PPFIA2: variants seen among roughly 807,000 people sequenced by gnomAD.
PPFIA2 encodes the protein liprin-alpha-2.
A neutral mutation model predicts 175.5 loss-of-function variants in PPFIA2; 46 were observed. The ratio of observed to expected loss-of-function variants is 0.26; its 90% CI spans 0.21 to 0.34. The LOEUF (loss-of-function observed/expected upper bound fraction) is 0.34, where lower values mean the gene tolerates loss of function less well. PPFIA2 is among the 10% of genes least tolerant of loss of function. The pLI is 1.00. For missense variants in PPFIA2, 1,179 were observed against 1,506.1 expected (o/e 0.78, Z 3.60); for synonymous variants, 568 against 511.4 (o/e 1.11, Z -1.49).
chr12:81,322,168 C>T (rs2053798377), intron 22 of PPFIA2, among the ~76,000 whole-genome samples: 1 of 152,056 alleles, frequency 6.6e-6, no homozygotes, highest in South Asian at 2.1e-4. Context: ...CTATCCTGAA[C>T]TTCGAAGCTT....
At chr12:81,370,590 G>C (rs2034824719) in intron 11 of PPFIA2, among the ~76,000 whole-genome samples, 1 of 151,820 alleles carries the variant, frequency 6.6e-6, no homozygotes, top group Non-Finnish European at 1.5e-5. Flanking sequence ...GCATTGATTT[G>C]TTGCTGTGGA....
At chr12:81,419,137 T>C (rs1252674823) in intron 7 of PPFIA2, among the ~76,000 whole-genome samples, 1 of 152,006 alleles carries the variant, frequency 6.6e-6, no homozygotes, top group Non-Finnish European at 1.5e-5. Context: ...GCCCTTGACA[T>C]CCAAAACATT....
chr12:81,424,907 T>C (rs2046878973), intron 7 of PPFIA2: 2 of 152,234 alleles, frequency 1.3e-5, no homozygotes, highest in Non-Finnish European at 1.5e-5. Context: ...TCTAATTCCA[T>C]GGATAGATAC....
intron 4 of PPFIA2, among the ~76,000 whole-genome samples, chr12:81,588,885 C>G (rs910092119): frequency 6.6e-6 from 1 of 151,916 alleles, no homozygotes; most frequent in African/African-American, 2.4e-5. Flanking sequence ...AAGAACTTGC[C>G]AAGTCATTTA....
At chr12:81,281,135 C>A in intron 27 of PPFIA2, 122 bp downstream of exon 27, 1 of 775,670 alleles carries the variant, frequency 1.3e-6, no homozygotes, top group South Asian at 2.6e-5. Context: ...TGTATACAAA[C>A]GATGTTTCAA....
chr12:81,496,889 G>A (rs1351377874), intron 4 of PPFIA2, among the ~76,000 whole-genome samples: 5 of 152,278 alleles, frequency 3.3e-5, no homozygotes, highest in South Asian at 4.1e-4. Flanking sequence ...GATATCCTAT[G>A]CCACAGACCA....
chr12:81,350,423 A>AG, intron 17 of PPFIA2: 1 of 152,202 alleles, frequency 6.6e-6, no homozygotes, highest in Non-Finnish European at 1.5e-5. Context: ...AAAGAACTGA[A>AG]GGACAGTACT....
intron 22 of PPFIA2, among the ~76,000 whole-genome samples, 151 bp from the exon 23 acceptor site, chr12:81,299,533 A>AAC (rs1427849158): frequency 1.3e-5 from 2 of 152,280 alleles, no homozygotes; most frequent in African/African-American, 4.8e-5. Flanking sequence ...TCCTTTGAGT[A>AAC]ACACACACAC....
At chr12:81,621,971 T>C (rs1362522162) in intron 4 of PPFIA2, among the ~76,000 whole-genome samples, 1 of 152,108 alleles carries the variant, frequency 6.6e-6, no homozygotes, top group Non-Finnish European at 1.5e-5. Flanking sequence ...AGAGGTCCAA[T>C]AGCTGAGCCC....
Position 81,259,350 on chromosome 12 carries a change from G to T in PPFIA2, c.*344C>A. 1 of 528,736 alleles carries T rather than the reference G, an allele frequency of 1.9e-6. No homozygotes were observed. The highest frequency in any genetic ancestry group is 3.5e-6 in the Non-Finnish European group (1 of 289,154). 32.8% of individuals were successfully genotyped at this position (528,736 alleles called of 1,614,324 possible). A position where few individuals can be genotyped will look rare whatever the true frequency, so the allele number is the denominator to read the frequency against. ...CTTACACATTTAAAAAGAAATGCAC[G>T]GTAATACATAAATGCCTAGTATATT... On this transcript the variant is annotated 3_prime_UTR_variant, in exon 33 of 33. Coordinates refer to ENST00000549396, the MANE Select transcript of PPFIA2 (RefSeq NM_003625.5).
intron 3 of PPFIA2, among the ~76,000 whole-genome samples, chr12:81,684,361 C>T (rs1270531307): frequency 6.6e-6 from 1 of 152,020 alleles, no homozygotes; most frequent in African/African-American, 2.4e-5. Flanking sequence ...ACATTGCAAC[C>T]ACCCTTAAAC....
chr12:81,643,365 T>G (rs1205094449), intron 4 of PPFIA2, among the ~76,000 whole-genome samples: 1 of 151,970 alleles, frequency 6.6e-6, no homozygotes, highest in Non-Finnish European at 1.5e-5. Flanking sequence ...TTTCTATTAA[T>G]TATCCTGCAT....
chr12:81,556,624 C>A (rs2068913877), intron 4 of PPFIA2, among the ~76,000 whole-genome samples: 2 of 151,676 alleles, frequency 1.3e-5, no homozygotes, highest in South Asian at 2.1e-4. Context: ...AGTTTTTAAT[C>A]AATATTTTGA....
At chr12:81,715,193 A>G (rs911876700) in intron 3 of PPFIA2, among the ~76,000 whole-genome samples, 3 of 147,306 alleles carry the variant, frequency 2.0e-5, no homozygotes, top group African/African-American at 7.3e-5. Context: ...GAAATAACAC[A>G]ATTTGTACAT....
chr12:81,451,055 A>T (rs1380021613), intron 5 of PPFIA2, among the ~76,000 whole-genome samples: 1 of 152,066 alleles, frequency 6.6e-6, no homozygotes, highest in African/African-American at 2.4e-5. Flanking sequence ...GCCAACTAGG[A>T]CCTGTGACTA....
At chr12:81,356,682 A>G (rs1316355757) in intron 16 of PPFIA2, among the ~76,000 whole-genome samples, 6 of 152,104 alleles carry the variant, frequency 3.9e-5, no homozygotes, top group African/African-American at 1.4e-4. Flanking sequence ...AAAAAAAAGA[A>G]ATATTGTGAA....
intron 24 of PPFIA2, among the ~76,000 whole-genome samples, chr12:81,285,802 C>T (rs2043187844): frequency 1.3e-5 from 2 of 152,074 alleles, no homozygotes; most frequent in Admixed American, 1.3e-4. Flanking sequence ...TATGTATTTA[C>T]CACACCATGA....
intron 9 of PPFIA2, among the ~76,000 whole-genome samples, chr12:81,382,400 G>A (rs1308788132): frequency 1.3e-5 from 2 of 152,142 alleles, no homozygotes; most frequent in Non-Finnish European, 2.9e-5. Context: ...GACATGAACT[G>A]ACTTATAGGC....
In PPFIA2 at chr12:81,642,728, C is replaced by CATT. The variant is rs1567688158; in HGVS notation, c.303+34062_303+34063insAAT. 2.7e-3 allele frequency among the ~76,000 whole-genome samples: 30 copies of CATT among 11,312 alleles called. 3 individuals are homozygous for CATT. The highest frequency in any genetic ancestry group is 5.9e-3 in the Non-Finnish European group (22 of 3,704). The allele number at this position is 11,312 out of a possible 152,430, so 7.4% of individuals were successfully genotyped here. A position where few individuals can be genotyped will look rare whatever the true frequency, so the allele number is the denominator to read the frequency against. On this transcript the variant is annotated intron_variant, in intron 4 of 32. Coordinates refer to ENST00000549396, the MANE Select transcript of PPFIA2 (RefSeq NM_003625.5). ...TATGTATGTATGTATTATATACATA[C>CATT]ATGTATATGTATGTATGTATTATAT...
Sources: gnomAD v4.1 joint callset for allele counts (sites outside exome capture counted in the v4.1 genomes callset) on GRCh38, gnomAD v4.1.1 for gene constraint, MANE v1.5 for transcripts, NCBI Gene and HGNC (gene_info 2026-07-23, HGNC 2026-07-21) for gene names.